Variants in CELF2 observed in about 807,000 individuals in gnomAD.
CELF2 encodes the protein CUGBP Elav-like family member 2.
In CELF2, 8 loss-of-function variants were observed where a neutral mutation model predicts 62.6. That is an observed-to-expected ratio of 0.13 (90% CI 0.07 to 0.23). The LOEUF (loss-of-function observed/expected upper bound fraction) is 0.23, where lower values mean the gene tolerates loss of function less well. Ranked by LOEUF, CELF2 falls within the 10% of genes least tolerant of loss-of-function variation. The probability of loss-of-function intolerance (pLI) is 1.00; values close to 1 mark genes in which losing one functional copy is unlikely to be tolerated. For synonymous variants in CELF2, 258 were observed against 250.0 expected, an observed-to-expected ratio of 1.03 and a Z score of -0.30; for missense variants, 333 against 671.0, an observed-to-expected ratio of 0.50 and a Z score of 5.56.
rs201101 is a variant in CELF2, at chr10:10,983,208, A to T, written c.89+63209A>T. 0.076 allele frequency among the ~76,000 whole-genome samples: 11,615 copies of T among 152,186 alleles called. 1,521 individuals carry two copies. Among genetic ancestry groups the T allele is most frequent in the African/African-American group, 0.26 (10,964 of 41,458 alleles). On this transcript the variant is annotated intron_variant, in intron 2 of 13. Coordinates refer to the CELF2 transcript ENST00000636488. This position sits in a 1 kb window ranked among gnomAD's most constrained non-coding sequence, Gnocchi z 5.2. ...ATACAAGATGAAAATATTAGATAAA[A>T]AGTGATACATCTGAATTATGTATTT...
chr10:10,663,627 A>G, the CELF2 span, among the ~76,000 whole-genome samples: 107 of 152,362 alleles, frequency 7.0e-4, no homozygotes, highest in African/African-American at 2.5e-3. Context: ...TGGATGCTGG[A>G]AAATACAGGG....
chr10:10,731,177 T>C, the CELF2 span, among the ~76,000 whole-genome samples: 3 of 152,152 alleles, frequency 2.0e-5, no homozygotes, highest in Non-Finnish European at 1.5e-5. Context: ...TCTGAGGCTT[T>C]TCCTCCAGTC....
At chr10:10,929,155 T>C (rs1383706245) in intron 2 of CELF2, among the ~76,000 whole-genome samples, 1 of 152,198 alleles carries the variant, frequency 6.6e-6, no homozygotes, top group Non-Finnish European at 1.5e-5. Context: ...TGGAAAGTTA[T>C]TAACCTAAAT....
At chr10:10,897,047 T>C (rs1328326972) in intron 1 of CELF2, among the ~76,000 whole-genome samples, 2 of 152,280 alleles carry the variant, frequency 1.3e-5, no homozygotes, top group Admixed American at 6.5e-5. Flanking sequence ...TGGAAGAATT[T>C]TGAGGCACCA....
chr10:11,019,987 C>G (rs1305296687), intron 1 of CELF2, among the ~76,000 whole-genome samples: 2 of 152,172 alleles, frequency 1.3e-5, no homozygotes, highest in African/African-American at 4.8e-5. Flanking sequence ...CTGATGAATG[C>G]TCTATGAATT....
In CELF2 at chr10:10,841,546, C is replaced by CT. The variant is rs569178714; in HGVS notation, c.53+42741dup. Among the ~76,000 whole-genome samples the CT allele has an allele frequency of 3.2e-3, 445 of 140,538 alleles. 3 individuals carry two copies. The highest frequency in any genetic ancestry group is 0.011 in the Middle Eastern group (3 of 268). The allele number at this position is 140,538 out of a possible 152,430, so 92.2% of individuals were successfully genotyped here. A position where few individuals can be genotyped will look rare whatever the true frequency, so the allele number is the denominator to read the frequency against. On this transcript the variant is annotated intron_variant, in intron 1 of 13. Coordinates refer to the CELF2 transcript ENST00000636488. ...TTTCCCCATTGAATTGCCTTTGCAT[C>CT]TTTTTTTTTTTTAATCTATGGCCTA...
chr10:10,597,975 C>T, the CELF2 span, among the ~76,000 whole-genome samples: 1 of 152,080 alleles, frequency 6.6e-6, no homozygotes, highest in African/African-American at 2.4e-5. Context: ...TGAATCGAGT[C>T]TAAGGACACT....
chr10:10,729,293 A>G, the CELF2 span, among the ~76,000 whole-genome samples: 3 of 152,218 alleles, frequency 2.0e-5, no homozygotes, highest in African/African-American at 4.8e-5. Context: ...TAAAATCCCA[A>G]CAAAGTACGT....
chr10:10,850,243 A>G (rs539405459), intron 1 of CELF2, among the ~76,000 whole-genome samples: 169 of 152,368 alleles, frequency 1.1e-3, no homozygotes, highest in Non-Finnish European at 2.0e-3. Flanking sequence ...AAGGCTAGAC[A>G]GCAACACTCT....
the CELF2 span, among the ~76,000 whole-genome samples, chr10:10,558,951 A>G: frequency 1.3e-5 from 2 of 152,228 alleles, no homozygotes; most frequent in Non-Finnish European, 1.5e-5. Flanking sequence ...TTTCCAAGAC[A>G]TAGCATAAGA....
chr10:10,960,638 C>T (rs545865842), intron 2 of CELF2, among the ~76,000 whole-genome samples: 1 of 152,256 alleles, frequency 6.6e-6, no homozygotes, highest in East Asian at 1.9e-4. Context: ...GTAATGCATA[C>T]CCAGTATTTT....
chr10:10,622,325 T>C, the CELF2 span, among the ~76,000 whole-genome samples: 1 of 152,162 alleles, frequency 6.6e-6, no homozygotes, highest in East Asian at 1.9e-4. Flanking sequence ...ATGCCAAGGT[T>C]AGGCCAGGTA....
At chr10:11,163,824 C>T (rs1011697703) in intron 1 of CELF2, among the ~76,000 whole-genome samples, 3 of 152,160 alleles carry the variant, frequency 2.0e-5, no homozygotes, top group Admixed American at 6.5e-5. Flanking sequence ...AGGATTTTTC[C>T]TTACCCCGTA....
the CELF2 span, among the ~76,000 whole-genome samples, chr10:10,738,620 T>C: frequency 6.6e-6 from 1 of 152,080 alleles, no homozygotes; most frequent in Non-Finnish European, 1.5e-5. Context: ...CAACCCGAGG[T>C]TTTGAGCCAT....
At chr10:11,279,148 C>T (rs1156676633) in intron 8 of CELF2, among the ~76,000 whole-genome samples, 1 of 152,100 alleles carries the variant, frequency 6.6e-6, no homozygotes, top group Non-Finnish European at 1.5e-5. Context: ...GTTACTAAAC[C>T]AGTTCCAGAG....
intron 2 of CELF2, among the ~76,000 whole-genome samples, chr10:10,994,304 C>T (rs1324146664): frequency 1.3e-5 from 2 of 152,158 alleles, no homozygotes; most frequent in Non-Finnish European, 2.9e-5. Context: ...CATGGTCTAC[C>T]TGTCAGCTAC....
At chr10:10,610,879 G>T in the CELF2 span, among the ~76,000 whole-genome samples, 7 of 152,150 alleles carry the variant, frequency 4.6e-5, no homozygotes, top group Non-Finnish European at 8.8e-5. Context: ...AGATAAATCT[G>T]ATGACAGTCA....
the CELF2 span, among the ~76,000 whole-genome samples, chr10:10,463,246 A>G: frequency 1.3e-5 from 2 of 152,190 alleles, no homozygotes; most frequent in East Asian, 1.9e-4. Flanking sequence ...ATTCAACCCA[A>G]TTAAATTCAA....
chr10:11,125,442 T>TAAAAA (rs3054369), intron 1 of CELF2, among the ~76,000 whole-genome samples: 18 of 145,864 alleles, frequency 1.2e-4, no homozygotes, highest in Non-Finnish European at 2.0e-4. Flanking sequence ...AGTAACTGGA[T>TAAAAA]AAAAAAAAAA....
Sources: allele counts gnomAD v4.1 joint callset (sites outside exome capture counted in the v4.1 genomes callset), GRCh38; gene constraint gnomAD v4.1.1; non-coding constraint Gnocchi (gnomAD v3.1); transcripts MANE v1.5; gene names NCBI Gene and HGNC (gene_info 2026-07-23, HGNC 2026-07-21).